RABGAP1L: variants seen among roughly 807,000 people sequenced by gnomAD.
RABGAP1L encodes RAB GTPase activating protein 1 like, also known as rab GTPase-activating protein 1-like.
In RABGAP1L, 63 loss-of-function variants were observed where a neutral mutation model predicts 137.7. The observed-to-expected ratio is 0.46, with a 90% CI of 0.37 to 0.56. The LOEUF (loss-of-function observed/expected upper bound fraction) is 0.56. RABGAP1L is among the 20% of genes least tolerant of loss of function. The pLI, the probability that RABGAP1L is intolerant of heterozygous loss-of-function variation, is 0.00. For missense variants in RABGAP1L, 1,095 were observed against 1,244.0 expected, an observed-to-expected ratio of 0.88 and a Z score of 1.80; for synonymous variants, 431 against 433.7, an observed-to-expected ratio of 0.99 and a Z score of 0.08.
intron 13 of RABGAP1L, among the ~76,000 whole-genome samples, chr1:174,547,511 G>T (rs549108964): frequency 6.6e-6 from 1 of 152,256 alleles, no homozygotes; most frequent in Non-Finnish European, 1.5e-5. Context: ...CAGGTACTTA[G>T]GTGGCTGAGG....
chr1:174,857,272 A>G (rs1418741298), intron 19 of RABGAP1L, among the ~76,000 whole-genome samples: 1 of 152,188 alleles, frequency 6.6e-6, no homozygotes, highest in African/African-American at 2.4e-5. Flanking sequence ...GCCGCCATTT[A>G]TGACGCTTTG....
At position 174,275,878 on chromosome 1, in the gene RABGAP1L, G is replaced by A; in HGVS notation, c.1099G>A (p.Gly367Ser). 1 of 1,612,800 alleles carries A rather than the reference G, an allele frequency of 6.2e-7. No individual in the cohort carries two copies. Among genetic ancestry groups the A allele is most frequent in the Non-Finnish European group, 8.5e-7 (1 of 1,179,290 alleles). The change falls in exon 9 of 26, where the codon GGC (glycine) becomes AGC (serine). Residue 367 changes from glycine to serine, a missense_variant. Gly to Ser is a moderately conservative substitution (Grantham distance 56). Around this residue, in one of 4 missense-constraint regions of RABGAP1L, gnomAD observed 112 missense variants for 157.3 expected, o/e 0.71. Coordinates refer to ENST00000681986, the MANE Select transcript of RABGAP1L (RefSeq NM_001366446.1). ...SYDGRAYVIT[G>S]MWNPNAPVFL... The stretch of plus-strand genomic sequence containing the variant: ...TGATGGGAGAGCTTATGTCATCACT[G>A]GCATGTGGAACCCCAATGCACCAGT...
chr1:174,949,546 G>A (rs953756736), intron 19 of RABGAP1L, among the ~76,000 whole-genome samples: 1 of 152,178 alleles, frequency 6.6e-6, no homozygotes, highest in African/African-American at 2.4e-5. Context: ...AGTGGGAGAA[G>A]AACAAATTGG....
intron 15 of RABGAP1L, among the ~76,000 whole-genome samples, chr1:174,687,615 A>C (rs1678578012): frequency 6.6e-6 from 1 of 152,180 alleles, no homozygotes; most frequent in Non-Finnish European, 1.5e-5. Context: ...AAGAATACGG[A>C]CTGGTTTAAA....
intron 18 of RABGAP1L, among the ~76,000 whole-genome samples, chr1:174,791,125 A>G (rs940380667): frequency 3.3e-5 from 5 of 151,130 alleles, no homozygotes; most frequent in African/African-American, 1.2e-4. Flanking sequence ...CAGGAGGCAG[A>G]GGTTGCAGTG....
chr1:174,706,667 C>A (rs1008276638), intron 17 of RABGAP1L, among the ~76,000 whole-genome samples: 1 of 152,018 alleles, frequency 6.6e-6, no homozygotes, highest in Non-Finnish European at 1.5e-5. Context: ...AACCAGCACC[C>A]AGATTTAAAA....
chr1:174,744,840 GATAAAA>G (rs1233385438), intron 17 of RABGAP1L, among the ~76,000 whole-genome samples: 1 of 152,140 alleles, frequency 6.6e-6, no homozygotes, highest in Admixed American at 6.5e-5. Flanking sequence ...TGGAGCATTT[GATAAAA>G]ATAATAGTTT....
At chr1:174,967,639 G>A (rs1447288456) in intron 20 of RABGAP1L, among the ~76,000 whole-genome samples, 6 of 151,670 alleles carry the variant, frequency 4.0e-5, no homozygotes, top group Admixed American at 6.6e-5. Flanking sequence ...GTGCCCAGCT[G>A]TACCCAGCTA....
chr1:174,385,085 A>G (rs530177583), intron 12 of RABGAP1L, among the ~76,000 whole-genome samples: 6 of 152,320 alleles, frequency 3.9e-5, no homozygotes, highest in African/African-American at 1.4e-4. Context: ...CTGCCCAGTG[A>G]AAAATGGATT....
At chr1:174,514,034 A>G (rs186073417) in intron 13 of RABGAP1L, among the ~76,000 whole-genome samples, 2 of 152,262 alleles carry the variant, frequency 1.3e-5, no homozygotes, top group Admixed American at 6.5e-5. Context: ...TCTTTTAAAG[A>G]TGAAGGTTCA....
intron 17 of RABGAP1L, among the ~76,000 whole-genome samples, chr1:174,731,377 A>G (rs901608689): frequency 1.3e-5 from 2 of 152,232 alleles, no homozygotes; most frequent in Non-Finnish European, 2.9e-5. Context: ...AGGTTGCACT[A>G]TCATCCTGTC....
chr1:174,726,971 G>A (rs1444569561), intron 17 of RABGAP1L, among the ~76,000 whole-genome samples: 1 of 151,972 alleles, frequency 6.6e-6, no homozygotes, highest in Non-Finnish European at 1.5e-5. Context: ...AGAAGTAATC[G>A]GTAAACATTT....
At chr1:174,925,888 TG>T (rs1558240169) in intron 19 of RABGAP1L, among the ~76,000 whole-genome samples, 42 of 108,098 alleles carry the variant, frequency 3.9e-4, no homozygotes, top group East Asian at 8.1e-4. Context: ...TTTTTTTTTG[TG>T]TTTTTTTTTT....
At chr1:174,948,397 T>C (rs1181282235) in intron 19 of RABGAP1L, among the ~76,000 whole-genome samples, 2 of 150,790 alleles carry the variant, frequency 1.3e-5, no homozygotes, top group Non-Finnish European at 3.0e-5. Flanking sequence ...TGGCGGGTGC[T>C]TGTAGTCCCA....
intron 14 of RABGAP1L, among the ~76,000 whole-genome samples, chr1:174,658,385 A>G (rs74786412): frequency 0.021 from 3,217 of 152,210 alleles, 54 homozygotes; most frequent in Middle Eastern, 0.085. Context: ...AGTATTTCCA[A>G]TTCCAATCCA....
At chr1:174,859,976 T>TC (rs142630658) in intron 19 of RABGAP1L, among the ~76,000 whole-genome samples, 5 of 105,340 alleles carry the variant, frequency 4.7e-5, no homozygotes, top group Non-Finnish European at 8.6e-5. Context: ...TTTTTTTTTT[T>TC]CCAAATAAAG....
At chr1:174,920,314 A>G (rs1661587530) in intron 19 of RABGAP1L, among the ~76,000 whole-genome samples, 2 of 152,220 alleles carry the variant, frequency 1.3e-5, no homozygotes, top group Non-Finnish European at 2.9e-5. Context: ...TCTTACATGG[A>G]TGGCAGCAGG....
intron 14 of RABGAP1L, among the ~76,000 whole-genome samples, chr1:174,638,283 T>G (rs1674228395): frequency 6.6e-6 from 1 of 152,214 alleles, no homozygotes; most frequent in Non-Finnish European, 1.5e-5. Context: ...TTGTAATGAG[T>G]AGCAAATATT....
At chr1:174,500,429 C>A (rs945096279) in intron 13 of RABGAP1L, among the ~76,000 whole-genome samples, 8 of 152,048 alleles carry the variant, frequency 5.3e-5, no homozygotes, top group Admixed American at 6.6e-5. Context: ...CATACTGGCC[C>A]CCTCAATGTA....
Sources: gnomAD v4.1 joint callset for allele counts (sites outside exome capture counted in the v4.1 genomes callset) on GRCh38, gnomAD v4.1.1 for gene constraint, gnomAD v4.1.1 regional missense constraint, MANE v1.5 for transcripts, NCBI Gene and HGNC (gene_info 2026-07-23, HGNC 2026-07-21) for gene names.